LRATD1: variants seen among roughly 807,000 people sequenced by gnomAD.
LRATD1 encodes protein LRATD1.
In LRATD1, 8 loss-of-function variants were observed where a neutral mutation model predicts 21.3. That is an observed-to-expected ratio of 0.38 (90% confidence interval 0.22 to 0.68). LRATD1 has a LOEUF of 0.68. LRATD1 is among the 30% of genes least tolerant of loss of function. The probability of loss-of-function intolerance (pLI) is 0.54; values close to 1 mark genes in which losing one functional copy is unlikely to be tolerated. For synonymous variants in LRATD1, 210 were observed against 186.2 expected (o/e 1.13, Z -1.04); for missense variants, 380 against 404.0 (o/e 0.94, Z 0.51).
chr2:14,640,899 G>T (rs1443427869), downstream of LRATD1, among the ~76,000 whole-genome samples: 1 of 152,128 alleles, frequency 6.6e-6, no homozygotes, highest in African/African-American at 2.4e-5. Context: ...CTAGAGGGAG[G>T]CAAGGCTCAG....
rs1375333194 is a variant in LRATD1 at position 14,639,749 on chromosome 2, T to C, written c.*4891T>C. 1 of 167,120 alleles carries C rather than the reference T, an allele frequency of 6.0e-6. No homozygotes were observed. The highest frequency in any genetic ancestry group is 1.5e-5 in the Non-Finnish European group (1 of 68,118). 10.4% of individuals were successfully genotyped at this position (167,120 alleles called of 1,614,324 possible). A position where few individuals can be genotyped will look rare whatever the true frequency, so the allele number is the denominator to read the frequency against. On this transcript the variant is annotated 3_prime_UTR_variant, in exon 2 of 2. Coordinates refer to ENST00000295092, the MANE Select transcript of LRATD1 (RefSeq NM_145175.4). Reference sequence around the variant, plus strand: ...TTTTATCATTCTTTTTGATGGCTGATAGTAGAAAGCACACAGTAGGTACTC... The same window carrying C: ...TTTTATCATTCTTTTTGATGGCTGACAGTAGAAAGCACACAGTAGGTACTC...
In LRATD1 at chr2:14,636,645, C is replaced by G. The variant is rs1671693373; in HGVS notation, c.*1787C>G. ...CTAGACACTTAAATAGCATCTATGT[C>G]TCTTTCAAGGGAATTTGTCAAATAA... On this transcript the variant is annotated 3_prime_UTR_variant, in exon 2 of 2. Coordinates refer to ENST00000295092, the MANE Select transcript of LRATD1 (RefSeq NM_145175.4). 1 of 167,156 alleles carries G rather than the reference C, an allele frequency of 6.0e-6. No individual in the cohort carries two copies. The highest frequency in any genetic ancestry group is 2.1e-4 in the South Asian group (1 of 4,834). The allele number at this position is 167,156 out of a possible 1,614,324, so 10.4% of individuals were successfully genotyped here.
chr2:14,641,581 T>A (rs535359579), downstream of LRATD1, among the ~76,000 whole-genome samples: 7 of 152,288 alleles, frequency 4.6e-5, no homozygotes, highest in East Asian at 1.4e-3. Context: ...CACCTGTGCC[T>A]ATAGTGATGT....
In LRATD1 at chr2:14,635,033, G is replaced by A. The variant is rs1302283611; in HGVS notation, c.*175G>A. On this transcript the variant is annotated 3_prime_UTR_variant, in exon 2 of 2. Coordinates refer to ENST00000295092, the MANE Select transcript of LRATD1 (RefSeq NM_145175.4). ...CGCATCCCCAAGCCAGCGGCAGGAA[G>A]TCTCAGGAACTGCCCCAGGGCCGAA... is the stretch of plus-strand genomic sequence containing the variant. The A allele has an allele frequency of 1.0e-6, 1 of 975,554 alleles. No individual in the cohort carries two copies. The highest frequency in any genetic ancestry group is 1.6e-6 in the Non-Finnish European group (1 of 632,868). 60.4% of individuals were successfully genotyped at this position (975,554 alleles called of 1,614,324 possible).
At chr2:14,643,420 C>G (rs1238227599), downstream of LRATD1, among the ~76,000 whole-genome samples, 1 of 152,154 alleles carries the variant, frequency 6.6e-6, no homozygotes, top group South Asian at 2.1e-4. Context: ...AAGCTCTGCT[C>G]CAGTCTGTCC....
rs910147667 is a variant in LRATD1, at chr2:14,639,052, A to C, written c.*4194A>C. The C allele has an allele frequency of 6.0e-6, 1 of 166,860 alleles. No individual in the cohort carries two copies. The highest frequency in any genetic ancestry group is 1.5e-5 in the Non-Finnish European group (1 of 68,070). 10.3% of individuals were successfully genotyped at this position (166,860 alleles called of 1,614,324 possible). On this transcript the variant is annotated 3_prime_UTR_variant, in exon 2 of 2. Coordinates refer to ENST00000295092, the MANE Select transcript of LRATD1 (RefSeq NM_145175.4). ...TATACATATATACACATGTATATAT[A>C]CTTGTGTACACATACATTTTTGCCT...
In LRATD1 at chr2:14,634,385, G is replaced by A; in HGVS notation, c.406G>A (p.Glu136Lys). 6.5e-7 allele frequency: 1 copy of A among 1,548,602 alleles called. No homozygotes were observed. The highest frequency in any genetic ancestry group is 8.7e-7 in the Non-Finnish European group (1 of 1,150,058). ...LELLWLQPAPEPPAPAPHWAV... is the reference protein window; with the variant it reads ...LELLWLQPAPKPPAPAPHWAV... ...GCTGCTGTGGCTGCAGCCCGCGCCG[G>A]AGCCGCCCGCGCCCGCCCCGCACTG... The change falls in exon 2 of 2, where the codon GAG becomes AAG. Residue 136 changes from glutamate to lysine, a missense_variant. Coordinates refer to ENST00000295092, the MANE Select transcript of LRATD1 (RefSeq NM_145175.4).
rs1671613678 is a variant in LRATD1 at position 14,633,985 on chromosome 2, C to T, written c.6C>T (p.Gly2=). 6.2e-7 allele frequency: 1 copy of T among 1,608,400 alleles called. No homozygotes were observed. The highest frequency in any genetic ancestry group is 1.1e-5 in the South Asian group (1 of 90,898). ...CTCGCCTCGCCACCTCATTGATGGG[C>T]AACCAACTGGACCGCATCACCCACC... The part of the protein sequence containing the change: M[G]NQLDRITHLN... Residue 2 remains glycine, a synonymous_variant, in exon 2 of 2, where the codon GGC becomes GGT. Transcript: ENST00000295092. This position sits in a 1 kb window ranked among gnomAD's most constrained non-coding sequence, Gnocchi z 7.5.
chr2:14,642,870 C>G (rs1671829649), downstream of LRATD1, among the ~76,000 whole-genome samples: 1 of 152,064 alleles, frequency 6.6e-6, no homozygotes, highest in African/African-American at 2.4e-5. Context: ...GAGGAGCACC[C>G]CTTACTTTTA....
rs971508038 is a variant in LRATD1, at chr2:14,633,767, G to T, written c.-36-177G>T. On this transcript the variant is annotated intron_variant, in intron 1 of 1. Coordinates refer to ENST00000295092, the MANE Select transcript of LRATD1 (RefSeq NM_145175.4). The surrounding 1 kb of genome is among the most constrained non-coding windows in gnomAD (Gnocchi z 7.5). ...GTCTGCTCTCGCCTGACCTGTGGCGGCTTCTCCGCCCCTCGTACCCCTGGG... is the reference window on the plus strand; with the variant it reads ...GTCTGCTCTCGCCTGACCTGTGGCGTCTTCTCCGCCCCTCGTACCCCTGGG... The T allele has an allele frequency of 1.6e-6, 1 of 628,654 alleles. No homozygotes were observed. Among genetic ancestry groups the T allele is most frequent in the African/African-American group, 1.8e-5 (1 of 54,518 alleles). The allele number at this position is 628,654 out of a possible 1,614,324, so 38.9% of individuals were successfully genotyped here.
Position 14,635,428 on chromosome 2 carries a change from G to C in LRATD1, c.*570G>C, listed in dbSNP as rs371043417. The stretch of plus-strand genomic sequence containing the variant: ...CCCAAGACAGCACTTCGGGATTCCG[G>C]GTTATCCTGAGGCTGCCCGGGACTT... On this transcript the variant is annotated 3_prime_UTR_variant, in exon 2 of 2. Coordinates refer to ENST00000295092, the MANE Select transcript of LRATD1 (RefSeq NM_145175.4). 8.5e-6 allele frequency: 4 copies of C among 471,264 alleles called. No homozygotes were observed. Among genetic ancestry groups the C allele is most frequent in the African/African-American group, 2.0e-5 (1 of 50,086 alleles). The allele number at this position is 471,264 out of a possible 1,614,324, so 29.2% of individuals were successfully genotyped here.
At position 14,639,486 on chromosome 2, in the gene LRATD1, C is replaced by A. The variant is rs1671763922; in HGVS notation, c.*4628C>A. 1 of 166,774 alleles carries A rather than the reference C, an allele frequency of 6.0e-6. No individual in the cohort carries two copies. The highest frequency in any genetic ancestry group is 2.1e-4 in the South Asian group (1 of 4,828). 10.3% of individuals were successfully genotyped at this position (166,774 alleles called of 1,614,324 possible). On this transcript the variant is annotated 3_prime_UTR_variant, in exon 2 of 2. Coordinates refer to ENST00000295092, the MANE Select transcript of LRATD1 (RefSeq NM_145175.4). ...AAGACACTAAAGAGAAGCTAAGATC[C>A]TATCTTTCAATCATTTAGTAATTCA...
At chr2:14,646,391 T>C (rs910093439) in intron 3 of LRATD1, 2 of 152,266 alleles carry the variant, frequency 1.3e-5, no homozygotes, top group Admixed American at 1.3e-4. Flanking sequence ...TTGTTTTTCA[T>C]CCTCAACTTT....
rs1490552893 is a variant in LRATD1 at position 14,637,939 on chromosome 2, T to C, written c.*3081T>C. On this transcript the variant is annotated 3_prime_UTR_variant, in exon 2 of 2. Transcript: ENST00000295092. ...CAAGAGACAACAGGTTCACAGTAAT[T>C]TCCATGATGTTGGGTGTGGCTAAGC... 2.4e-5 allele frequency: 4 copies of C among 167,002 alleles called. No homozygotes were observed. Among genetic ancestry groups the C allele is most frequent in the Admixed American group, 6.5e-5 (1 of 15,272 alleles). 10.3% of individuals were successfully genotyped at this position (167,002 alleles called of 1,614,324 possible).
At chr2:14,641,790 C>T (rs2103411786), downstream of LRATD1, among the ~76,000 whole-genome samples, 1 of 152,318 alleles carries the variant, frequency 6.6e-6, no homozygotes, top group South Asian at 2.1e-4. Flanking sequence ...GTCCCCTTAA[C>T]CTGATTACCA....
downstream of LRATD1, chr2:14,650,061 A>G (rs1323837737): frequency 6.6e-6 from 1 of 152,270 alleles, no homozygotes; most frequent in Non-Finnish European, 1.5e-5. Context: ...ATAAGTGTAT[A>G]TTGTTTATAA....
chr2:14,643,021 G>C (rs1220012164), downstream of LRATD1, among the ~76,000 whole-genome samples: 4 of 152,140 alleles, frequency 2.6e-5, no homozygotes, highest in Non-Finnish European at 4.4e-5. Context: ...GAGAAAAAAA[G>C]TGTCAAAATT....
intron 4 of LRATD1, among the ~76,000 whole-genome samples, chr2:14,648,620 T>C (rs1013396483): frequency 1.3e-5 from 2 of 152,162 alleles, no homozygotes; most frequent in African/African-American, 4.8e-5. Context: ...CTGTAAACAC[T>C]TGTATAAGAA....
Position 14,638,439 on chromosome 2 carries a change from G to T in LRATD1, c.*3581G>T, listed in dbSNP as rs978030511. Reference sequence around the variant, plus strand: ...TTACCTGTTTTTTTGAAACTTTAATGTTTACCTTCCCCTATGTTTAATTTT... The same window carrying T: ...TTACCTGTTTTTTTGAAACTTTAATTTTTACCTTCCCCTATGTTTAATTTT... On this transcript the variant is annotated 3_prime_UTR_variant, in exon 2 of 2. Transcript: ENST00000295092. 5 of 166,842 alleles carry T rather than the reference G, an allele frequency of 3.0e-5. No individual in the cohort carries two copies. The highest frequency in any genetic ancestry group is 5.9e-5 in the Non-Finnish European group (4 of 68,054). The allele number at this position is 166,842 out of a possible 1,614,324, so 10.3% of individuals were successfully genotyped here. A position where few individuals can be genotyped will look rare whatever the true frequency, so the allele number is the denominator to read the frequency against.
Sources: gnomAD v4.1 joint callset for allele counts (sites outside exome capture counted in the v4.1 genomes callset) on GRCh38, gnomAD v4.1.1 for gene constraint, Gnocchi (gnomAD v3.1) non-coding constraint, MANE v1.5 for transcripts, NCBI Gene and HGNC (gene_info 2026-07-23, HGNC 2026-07-21) for gene names.